FRMD8: variants seen among roughly 807,000 people sequenced by gnomAD.
FRMD8 encodes the protein FERM domain-containing protein 8.
A neutral mutation model predicts 54.2 loss-of-function variants in FRMD8; 37 were observed. That is an observed-to-expected ratio of 0.68 (90% confidence interval 0.53 to 0.90). The LOEUF is 0.90. Among genes scored for constraint, FRMD8 ranks in the 40% least tolerant of loss-of-function variants. FRMD8 has a pLI of 0.00. For synonymous variants in FRMD8, 246 were observed against 286.9 expected, an observed-to-expected ratio of 0.86 and a Z score of 1.44; for missense variants, 585 against 653.7, an observed-to-expected ratio of 0.89 and a Z score of 1.15.
upstream of FRMD8, chr11:65,381,787 G>T: frequency 8.5e-7 from 1 of 1,176,934 alleles, no homozygotes; most frequent in Non-Finnish European, 1.3e-6. Context: ...CAAACTCCTG[G>T]GCTCAAGTGA....
the FRMD8 span, chr11:65,376,574 G>A: frequency 1.2e-6 from 2 of 1,614,020 alleles, no homozygotes; most frequent in African/African-American, 1.3e-5. Context: ...CTGCGTCTCA[G>A]TCCATCCATC....
At chr11:65,379,237 G>T in the FRMD8 span, 1 of 945,822 alleles carries the variant, frequency 1.1e-6, no homozygotes, top group Non-Finnish European at 1.6e-6. Context: ...CAGCCTGGAA[G>T]GCCATAGCAC....
upstream of FRMD8, among the ~76,000 whole-genome samples, chr11:65,385,605 C>A (rs1388473217): frequency 6.6e-6 from 1 of 152,080 alleles, no homozygotes; most frequent in Non-Finnish European, 1.5e-5. Context: ...GTTGCATTAC[C>A]AGGACATGTC....
At position 65,403,239 on chromosome 11, in the gene FRMD8, A is replaced by G. The variant is rs545983832; in HGVS notation, c.1072-1625A>G. Among the ~76,000 whole-genome samples the G allele has an allele frequency of 1.1e-4, 17 of 151,790 alleles. No homozygotes were observed. In the East Asian group the frequency reaches 2.5e-3, roughly 23 times the overall value. On this transcript the variant is annotated intron_variant, in intron 9 of 10. Transcript: ENST00000317568. ...ACTCTGTCGCCCAGGCTGGAGTGCA[A>G]TGGCGCGATTTCAGCTCACTGCAAC...
intron 10 of FRMD8, among the ~76,000 whole-genome samples, chr11:65,407,757 C>T (rs1349429605): frequency 2.0e-5 from 3 of 151,682 alleles, no homozygotes; most frequent in African/African-American, 7.3e-5. Context: ...ATTAGCCAGA[C>T]GTGGTGGTGG....
the FRMD8 span, among the ~76,000 whole-genome samples, chr11:65,372,583 T>G: frequency 6.6e-6 from 1 of 152,160 alleles, no homozygotes; most frequent in Non-Finnish European, 1.5e-5. Flanking sequence ...AAAAATAGAT[T>G]TTTTTCATTT....
At position 65,396,878 on chromosome 11, in the gene FRMD8, G is replaced by A. The variant is rs772143553; in HGVS notation, c.661G>A (p.Ala221Thr). Reference protein sequence around the residue: ...SLFAALRGRGARAGPGEQGLL... With the variant: ...SLFAALRGRGTRAGPGEQGLL... The stretch of plus-strand genomic sequence containing the variant: ...CTTTGCTGCCCTCCGGGGCCGTGGG[G>A]CCAGGGCCGGGCCGGGCGAGCAGGG... The change falls in exon 7 of 11, where the codon GCC becomes ACC. Residue 221 changes from alanine (A) to threonine (T), a missense_variant. Physicochemically the swap from Ala to Thr is moderately conservative, Grantham distance 58. Coordinates refer to ENST00000317568, the MANE Select transcript of FRMD8 (RefSeq NM_031904.5). 4 of 1,558,822 alleles carry A rather than the reference G, an allele frequency of 2.6e-6. No homozygotes were observed. Among genetic ancestry groups the A allele is most frequent in the Admixed American group, 1.9e-5 (1 of 53,002 alleles).
upstream of FRMD8, chr11:65,383,766 AAAAC>A (rs1240666653): frequency 1.9e-5 from 2 of 105,456 alleles, no homozygotes; most frequent in African/African-American, 5.7e-5. Flanking sequence ...TCAAAAAAAA[AAAAC>A]AAACAAACAA....
chr11:65,397,100 C>T, intron 7 of FRMD8, 80 bp downstream of exon 7: 1 of 753,738 alleles, frequency 1.3e-6, no homozygotes, highest in Non-Finnish European at 2.0e-6. Context: ...CCAGTGAGCC[C>T]ACCTCTGCTC....
intron 9 of FRMD8, among the ~76,000 whole-genome samples, chr11:65,403,541 T>G (rs995907263): frequency 1.3e-5 from 2 of 152,204 alleles, no homozygotes; most frequent in African/African-American, 4.8e-5. Context: ...CAGCTGGGTC[T>G]CACTTTCCAA....
chr11:65,380,989 C>T, the FRMD8 span: 1 of 161,526 alleles, frequency 6.2e-6, no homozygotes, highest in South Asian at 1.4e-4. Flanking sequence ...GCTCACCTGG[C>T]TCTCCCGCCC....
chr11:65,398,992 ATGTTT>A (rs1212033263), intron 7 of FRMD8, among the ~76,000 whole-genome samples: 25 of 105,858 alleles, frequency 2.4e-4, no homozygotes, highest in Non-Finnish European at 3.7e-4. Flanking sequence ...GCTCTTCTCA[ATGTTT>A]TTTTTTTTTT....
rs1334378103 is a variant in FRMD8 at position 65,408,138 on chromosome 11, G to A, written c.1276+3070G>A. The stretch of plus-strand genomic sequence containing the variant: ...TGCCCAGGCTGGAGTGAAATGGTGC[G>A]ATATCGGCTCACCGCAACCTCCACC... On this transcript the variant is annotated intron_variant, in intron 10 of 10. Transcript: ENST00000317568. 7.3e-5 allele frequency among the ~76,000 whole-genome samples: 11 copies of A among 150,426 alleles called. No homozygotes were observed. In the South Asian group the frequency reaches 8.5e-4, roughly 12 times the overall value.
chr11:65,382,172 C>T (rs369267810), upstream of FRMD8: 106 of 581,856 alleles, frequency 1.8e-4, no homozygotes, highest in African/African-American at 1.8e-3. This position sits in a 1 kb window ranked among gnomAD's most constrained non-coding sequence, Gnocchi z 4.4. Flanking sequence ...TACAGTCTCA[C>T]GGGCCAGGCG....
chr11:65,398,902 G>T (rs1343261955), intron 7 of FRMD8, among the ~76,000 whole-genome samples: 1 of 152,112 alleles, frequency 6.6e-6, no homozygotes, highest in Non-Finnish European at 1.5e-5. Flanking sequence ...TTTAACTTGG[G>T]CTCTGGCTCA....
chr11:65,389,493 A>G lies in FRMD8; in HGVS notation c.218A>G (p.Asp73Gly), dbSNP rs140843850. 3.7e-6 allele frequency: 6 copies of G among 1,605,672 alleles called. No homozygotes were observed. The African/African-American group carries it at 4.0e-5, about 11-fold the overall frequency. Residue 73 changes from aspartate (D) to glycine (G), a missense_variant, in exon 3 of 11, where the codon GAT becomes GGT. Coordinates refer to ENST00000317568, the MANE Select transcript of FRMD8 (RefSeq NM_031904.5). ...CTGCAGCTTCCAGACATCGCCCTGG[A>G]TGTCTTCGCGCTCTGGCTGGTCTCC... Reference protein sequence around the residue: ...EVLQLPDIALDVFALWLVSPL... With the variant: ...EVLQLPDIALGVFALWLVSPL...
At chr11:65,410,751 C>T (rs1199060492) in intron 10 of FRMD8, among the ~76,000 whole-genome samples, 3 of 152,092 alleles carry the variant, frequency 2.0e-5, no homozygotes, top group East Asian at 3.9e-4. Flanking sequence ...GATAGTGCCA[C>T]TGCACTCCAG....
At chr11:65,401,520 C>G (rs1856081065) in intron 9 of FRMD8, among the ~76,000 whole-genome samples, 1 of 150,696 alleles carries the variant, frequency 6.6e-6, no homozygotes, top group Admixed American at 6.6e-5. Flanking sequence ...TTCCACACCT[C>G]TCCGGCTTCC....
chr11:65,385,697 A>G (rs959299337), upstream of FRMD8, among the ~76,000 whole-genome samples: 4 of 152,124 alleles, frequency 2.6e-5, no homozygotes, highest in Non-Finnish European at 5.9e-5. Context: ...GAAAACCTCA[A>G]GGTCTCCCAG....
Sources: gnomAD v4.1 joint callset for allele counts (sites outside exome capture counted in the v4.1 genomes callset) on GRCh38, gnomAD v4.1.1 for gene constraint, Gnocchi (gnomAD v3.1) non-coding constraint, MANE v1.5 for transcripts, NCBI Gene and HGNC (gene_info 2026-07-23, HGNC 2026-07-21) for gene names.